Variants in CHLSN observed in about 807,000 individuals in gnomAD.
The protein encoded by CHLSN is protein cholesin.
the CHLSN span, among the ~76,000 whole-genome samples, chr7:1,018,759 T>A: frequency 6.6e-6 from 1 of 151,610 alleles, no homozygotes; most frequent in Non-Finnish European, 1.5e-5. Flanking sequence ...TACCCCAGCC[T>A]GGATGAGAGT....
the CHLSN span, among the ~76,000 whole-genome samples, chr7:1,054,476 C>T: frequency 6.6e-5 from 10 of 152,256 alleles, no homozygotes; most frequent in Non-Finnish European, 1.3e-4. Context: ...GGTGACAGCA[C>T]GCACTCGAGA....
the CHLSN span, among the ~76,000 whole-genome samples, chr7:1,040,667 C>T: frequency 2.1e-5 from 3 of 140,408 alleles, no homozygotes. Context: ...ACACCAAAAG[C>T]AGATCCTTAA....
At chr7:1,028,588 G>C in the CHLSN span, 1 of 984,924 alleles carries the variant, frequency 1.0e-6, no homozygotes, top group Non-Finnish European at 1.2e-6. Flanking sequence ...CGAACTGCGG[G>C]GAGGGCGCAC....
chr7:1,100,782 CAA>C, the CHLSN span, among the ~76,000 whole-genome samples: 7 of 151,238 alleles, frequency 4.6e-5, no homozygotes, highest in Non-Finnish European at 7.4e-5. Flanking sequence ...AAAAAAAAAA[CAA>C]AACAAAACCC....
chr7:1,092,917 G>A, the CHLSN span: 12 of 1,485,500 alleles, frequency 8.1e-6, no homozygotes, highest in Non-Finnish European at 1.1e-5. Context: ...CACCTGGGTG[G>A]ACACAAGGCA....
At chr7:1,109,279 C>G in the CHLSN span, 2 of 152,136 alleles carry the variant, frequency 1.3e-5, no homozygotes, top group Non-Finnish European at 2.9e-5. Context: ...TCTGCATTAC[C>G]TAAACTTTCA....
the CHLSN span, chr7:1,028,586 G>T: frequency 1.0e-6 from 1 of 984,896 alleles, no homozygotes; most frequent in Non-Finnish European, 1.2e-6. Flanking sequence ...CGCGAACTGC[G>T]GGGAGGGCGC....
At chr7:1,058,767 C>G in the CHLSN span, 1 of 539,056 alleles carries the variant, frequency 1.9e-6, no homozygotes, top group African/African-American at 1.9e-5. Flanking sequence ...AGGTCCACAT[C>G]CGCAAAAGCC....
At chr7:1,044,981 T>C in the CHLSN span, among the ~76,000 whole-genome samples, 1 of 152,366 alleles carries the variant, frequency 6.6e-6, no homozygotes, top group Middle Eastern at 3.4e-3. Flanking sequence ...CTGATCCTGC[T>C]CTCCTGGGCC....
At chr7:1,016,166 GCAGCACACAGCAGCA>G in the CHLSN span, among the ~76,000 whole-genome samples, 1 of 63,652 alleles carries the variant, frequency 1.6e-5, no homozygotes, top group Non-Finnish European at 2.9e-5. Context: ...CCAGCACACA[GCAGCACACAGCAGCA>G]CACGCCAGCA....
the CHLSN span, among the ~76,000 whole-genome samples, chr7:1,101,939 G>A: frequency 0.027 from 4,068 of 152,348 alleles, 129 homozygotes; most frequent in Non-Finnish European, 0.038. Context: ...AAGAGGCAGC[G>A]GCCAGGCCAG....
chr7:1,000,033 C>T, the CHLSN span, among the ~76,000 whole-genome samples: 2 of 152,242 alleles, frequency 1.3e-5, no homozygotes, highest in African/African-American at 4.8e-5. Context: ...TGTAGACACA[C>T]GTCACACGCA....
chr7:1,078,316 C>G, the CHLSN span, among the ~76,000 whole-genome samples: 1 of 151,766 alleles, frequency 6.6e-6, no homozygotes, highest in African/African-American at 2.4e-5. Flanking sequence ...GGCCCGAAAC[C>G]TGAATGGAGG....
the CHLSN span, among the ~76,000 whole-genome samples, chr7:1,022,230 C>T: frequency 5.6e-3 from 849 of 152,300 alleles, 8 homozygotes; most frequent in Non-Finnish European, 9.8e-3. Context: ...CGCAGGCCTG[C>T]GGGGAGGCAT....
the CHLSN span, among the ~76,000 whole-genome samples, chr7:1,121,246 C>A: frequency 6.6e-6 from 1 of 152,130 alleles, no homozygotes; most frequent in Non-Finnish European, 1.5e-5. Flanking sequence ...CGGCAGACAA[C>A]CCGGCATGCA....
chr7:1,002,720 TG>T, the CHLSN span, among the ~76,000 whole-genome samples: 1 of 93,590 alleles, frequency 1.1e-5, no homozygotes, highest in Non-Finnish European at 2.0e-5. Context: ...AGTGGAGCCC[TG>T]TGGGTGAGTG....
the CHLSN span, chr7:987,067 C>G: frequency 6.8e-7 from 1 of 1,467,854 alleles, no homozygotes. Context: ...GGGGGACAGA[C>G]CCCAGATCAT....
the CHLSN span, among the ~76,000 whole-genome samples, chr7:1,031,838 G>A: frequency 2.6e-4 from 39 of 148,724 alleles, no homozygotes; most frequent in Non-Finnish European, 4.2e-4. Flanking sequence ...AGTGGTCCGG[G>A]GCGGCAGAGA....
At chr7:996,549 C>CCGGAGCCACTGGCCT in the CHLSN span, among the ~76,000 whole-genome samples, 6 of 152,356 alleles carry the variant, frequency 3.9e-5, no homozygotes, top group East Asian at 9.6e-4. Flanking sequence ...GAGGCCCAGA[C>CCGGAGCCACTGGCCT]CGGAGCCACT....
Sources: allele counts gnomAD v4.1 joint callset (sites outside exome capture counted in the v4.1 genomes callset), GRCh38; gene constraint gnomAD v4.1.1; transcripts MANE v1.5; gene names NCBI Gene and HGNC (gene_info 2026-07-23, HGNC 2026-07-21).